Variants in PGAM5 observed in about 807,000 individuals in gnomAD.
PGAM5 encodes PGAM family member 5, mitochondrial serine/threonine protein phosphatase, also known as serine/threonine-protein phosphatase PGAM5, mitochondrial.
In PGAM5, 25 loss-of-function variants were observed where a neutral mutation model predicts 30.6. That is an observed-to-expected ratio of 0.82 (90% CI 0.60 to 1.14). PGAM5 has a LOEUF of 1.14. PGAM5 is among the 50% of genes most tolerant of loss of function. The probability of loss-of-function intolerance (pLI) is 0.00; values close to 1 mark genes in which losing one functional copy is unlikely to be tolerated. For synonymous variants in PGAM5, 201 were observed against 179.1 expected (o/e 1.12, Z -0.98); for missense variants, 384 against 408.5 (o/e 0.94, Z 0.52).
At position 132,710,891 on chromosome 12, in the gene PGAM5, G is replaced by A; in HGVS notation, c.15G>A (p.Gln5=). The A allele has an allele frequency of 8.8e-7, 1 of 1,139,530 alleles. No individual in the cohort carries two copies. The highest frequency in any genetic ancestry group is 1.1e-6 in the Non-Finnish European group (1 of 930,300). 70.6% of individuals were successfully genotyped at this position (1,139,530 alleles called of 1,614,324 possible). Residue 5 remains glutamine (Q), a synonymous_variant, in exon 1 of 6, where the codon CAG becomes CAA. Transcript: ENST00000498926. ...GAGCAAGCGGCATGGCGTTCCGGCAGGCGCTGCAGCTGGCGGCCTGCGGGC... is the reference window on the plus strand; with the variant it reads ...GAGCAAGCGGCATGGCGTTCCGGCAAGCGCTGCAGCTGGCGGCCTGCGGGC... The part of the protein sequence containing the change: MAFR[Q]ALQLAACGLA...
Position 132,714,850 on chromosome 12 carries a change from A to G in PGAM5, c.192-8A>G. ...GTCTCAAGGACATATCTTGTATTTC[A>G]ACATCAGGCGAGAACCACTGTCTCT... On this transcript the variant is annotated splice_polypyrimidine_tract_variant and splice_region_variant and intron_variant, in intron 1 of 5. Coordinates refer to ENST00000498926, the MANE Select transcript of PGAM5 (RefSeq NM_001170543.2). The G allele has an allele frequency of 6.2e-7, 1 of 1,613,064 alleles. No homozygotes were observed. The highest frequency in any genetic ancestry group is 8.5e-7 in the Non-Finnish European group (1 of 1,179,578).
rs11147018 is a variant in PGAM5 at position 132,721,631 on chromosome 12, C to G, written c.*803C>G. ...GAAACGGAGTTTCACTCTTGTTGCC[C>G]AGGCTGGAGTGCAGTGGTGCGATCT... On this transcript the variant is annotated 3_prime_UTR_variant, in exon 6 of 6. Transcript: ENST00000498926. The G allele has an allele frequency of 0.36, 55,073 of 151,782 alleles. 11,810 individuals are homozygous for G. The highest frequency in any genetic ancestry group is 0.48 in the Non-Finnish European group (32,781 of 67,814). The allele number at this position is 151,782 out of a possible 1,614,324, so 9.4% of individuals were successfully genotyped here.
intron 1 of PGAM5, among the ~76,000 whole-genome samples, chr12:132,712,509 T>A (rs2043533185): frequency 6.6e-6 from 1 of 152,192 alleles, no homozygotes; most frequent in Non-Finnish European, 1.5e-5. Flanking sequence ...CAGGCTGGAG[T>A]GCAATGGTGC....
chr12:132,719,131 G>A, intron 5 of PGAM5: 1 of 1,330,688 alleles, frequency 7.5e-7, no homozygotes, highest in Non-Finnish European at 9.6e-7. Context: ...AGTCAGAAGG[G>A]TTGGCCAAAT....
At chr12:132,718,777 G>T (rs368479081) in intron 5 of PGAM5, 3 of 1,613,570 alleles carry the variant, frequency 1.9e-6, no homozygotes, top group Non-Finnish European at 1.7e-6. Flanking sequence ...CGCCGCTGTT[G>T]TCCGCTGGGG....
At chr12:132,715,636 T>C (rs933349578) in intron 2 of PGAM5, among the ~76,000 whole-genome samples, 1 of 150,118 alleles carries the variant, frequency 6.7e-6, no homozygotes, top group African/African-American at 2.5e-5. Context: ...CCCAACACTT[T>C]GGGAGGCCGA....
chr12:132,718,064 G>A lies in PGAM5; in HGVS notation c.663G>A (p.Glu221=), dbSNP rs200067319. The A allele has an allele frequency of 7.4e-6, 12 of 1,612,860 alleles. No individual in the cohort carries two copies. The highest frequency in any genetic ancestry group is 1.0e-5 in the Non-Finnish European group (12 of 1,179,974). The part of the protein sequence containing the change: ...YIHRADARQE[E]DSYEIFICHA... ...ACCGCGCAGATGCCAGGCAGGAGGA[G>A]GACAGTTACGAGATCTTCATCTGTC... The change falls in exon 5 of 6, where the codon GAG becomes GAA. Residue 221 remains glutamate (E), a synonymous_variant. Transcript: ENST00000498926.
intron 1 of PGAM5, chr12:132,711,549 G>A (rs1472610922): frequency 1.3e-5 from 2 of 152,272 alleles, no homozygotes; most frequent in Non-Finnish European, 2.9e-5. Flanking sequence ...GCGTTTGGGA[G>A]GCTGAGGCCG....
At chr12:132,718,228 C>T in intron 5 of PGAM5, 108 bp downstream of exon 5, 1 of 1,410,250 alleles carries the variant, frequency 7.1e-7, no homozygotes, top group Non-Finnish European at 9.6e-7. Flanking sequence ...CCACCCTAGT[C>T]AGGCCTCACC....
In PGAM5 at chr12:132,710,922, G is replaced by A. The variant is rs1214240897; in HGVS notation, c.46G>A (p.Gly16Arg). ...GCAGCTGGCGGCCTGCGGGCTGGCC[G>A]GGGGCTCGGCCGCCGTGCTCTTCTC... ...ALQLAACGLA[G>R]GSAAVLFSAV... is the part of the protein sequence containing the mutation. The change falls in exon 1 of 6, where the codon GGG (glycine) becomes AGG (arginine). Residue 16 changes from glycine (G) to arginine (R), a missense_variant. By Grantham distance (125) the Gly-to-Arg change is moderately radical (BLOSUM62 -2). Transcript: ENST00000498926. The A allele has an allele frequency of 8.6e-7, 1 of 1,156,560 alleles. No individual in the cohort carries two copies. The highest frequency in any genetic ancestry group is 1.1e-6 in the Non-Finnish European group (1 of 940,916). The allele number at this position is 1,156,560 out of a possible 1,614,324, so 71.6% of individuals were successfully genotyped here. A position where few individuals can be genotyped will look rare whatever the true frequency, so the allele number is the denominator to read the frequency against.
Position 132,715,025 on chromosome 12 carries a change from T to A in PGAM5, c.359T>A (p.Leu120Gln). 1 of 1,611,036 alleles carries A rather than the reference T, an allele frequency of 6.2e-7. No individual in the cohort carries two copies. Among genetic ancestry groups the A allele is most frequent in the East Asian group, 2.2e-5 (1 of 44,784 alleles). The change falls in exon 2 of 6, where the codon CTG becomes CAG. Residue 120 changes from leucine (L) to glutamine (Q), a missense_variant. By Grantham distance (113) the Leu-to-Gln change is moderately radical. Coordinates refer to ENST00000498926, the MANE Select transcript of PGAM5 (RefSeq NM_001170543.2). ...GGCTCCCTGGAGAAGGACCGCACTC[T>A]GACCCCGCTGGGTATGTGGTGGGTT... ...VDGSLEKDRT[L>Q]TPLGREQAEL...
In PGAM5 at chr12:132,710,864, G is replaced by A; in HGVS notation, c.-13G>A. The A allele has an allele frequency of 8.9e-7, 1 of 1,123,516 alleles. No individual in the cohort carries two copies. The highest frequency in any genetic ancestry group is 4.9e-5 in the East Asian group (1 of 20,242). 69.6% of individuals were successfully genotyped at this position (1,123,516 alleles called of 1,614,324 possible). ...CGTGGGCGCCTGCGCGGGCCGGCGCGGGAGCAAGCGGCATGGCGTTCCGGC... is the reference window on the plus strand; with the variant it reads ...CGTGGGCGCCTGCGCGGGCCGGCGCAGGAGCAAGCGGCATGGCGTTCCGGC... On this transcript the variant is annotated 5_prime_UTR_variant, in exon 1 of 6. Transcript: ENST00000498926.
At chr12:132,719,229 T>C in intron 5 of PGAM5, 1 of 1,138,246 alleles carries the variant, frequency 8.8e-7, no homozygotes. Flanking sequence ...GAGGGGGCCC[T>C]CTTGAGTGTG....
rs1417464791 is a variant in PGAM5, at chr12:132,720,763, C to T, written c.805C>T (p.Arg269Ter). 2.0e-6 allele frequency: 3 copies of T among 1,536,270 alleles called. No homozygotes were observed. Among genetic ancestry groups the T allele is most frequent in the East Asian group, 2.4e-5 (1 of 40,924 alleles). Reference protein sequence around the residue: ...ITHLVIRPNGRVALRTLGDTG... With the variant: ...ITHLVIRPNG ...CCACCTGGTGATCCGACCCAACGGC[C>T]GAGTTGCGCTCAGGACCCTCGGGGA... The change falls in exon 6 of 6, where the codon CGA becomes TGA. Residue 269 changes from arginine to a stop codon, truncating the protein, a stop_gained. Coordinates refer to ENST00000498926, the MANE Select transcript of PGAM5 (RefSeq NM_001170543.2). LOFTEE classifies it high-confidence loss of function.
At chr12:132,718,958 T>G in intron 5 of PGAM5, 1 of 1,505,324 alleles carries the variant, frequency 6.6e-7, no homozygotes, top group South Asian at 1.3e-5. Context: ...CTCAACCTGC[T>G]CTGGTGCCCC....
intron 1 of PGAM5, among the ~76,000 whole-genome samples, chr12:132,714,151 G>A (rs2043549950): frequency 6.6e-6 from 1 of 152,158 alleles, no homozygotes. Flanking sequence ...CCAAGTAGCT[G>A]GGATCACAGG....
In PGAM5 at chr12:132,720,752, G is replaced by A. The variant is rs974833110; in HGVS notation, c.794G>A (p.Arg265Gln). 1.1e-5 allele frequency: 17 copies of A among 1,536,116 alleles called. No homozygotes were observed. Among genetic ancestry groups the A allele is most frequent in the Middle Eastern group, 1.7e-4 (1 of 6,010 alleles). ...NNGSITHLVI[R>Q]PNGRVALRTL... Reference sequence around the variant, plus strand: ...GGCAGCATCACCCACCTGGTGATCCGACCCAACGGCCGAGTTGCGCTCAGG... The same window carrying A: ...GGCAGCATCACCCACCTGGTGATCCAACCCAACGGCCGAGTTGCGCTCAGG... The change falls in exon 6 of 6, where the codon CGA becomes CAA. Residue 265 changes from arginine (R) to glutamine (Q), a missense_variant. Coordinates refer to ENST00000498926, the MANE Select transcript of PGAM5 (RefSeq NM_001170543.2).
chr12:132,712,342 G>A (rs1260845086), intron 1 of PGAM5, among the ~76,000 whole-genome samples: 3 of 152,230 alleles, frequency 2.0e-5, no homozygotes, highest in South Asian at 2.1e-4. Context: ...TTGTTTTGAT[G>A]ATCATGAGTG....
In PGAM5 at chr12:132,712,052, C is replaced by A. The variant is rs139420666; in HGVS notation, c.191+985C>A. 5.7e-3 allele frequency among the ~76,000 whole-genome samples: 874 copies of A among 152,180 alleles called. 3 individuals carry two copies. Among genetic ancestry groups the A allele is most frequent in the Admixed American group, 9.0e-3 (137 of 15,276 alleles). On this transcript the variant is annotated intron_variant, in intron 1 of 5. Transcript: ENST00000498926. ...GCACAGAATTATACTACTGTGGTTG[C>A]GTTAGGTACTTTATATTAGATTTTT...
Sources: allele counts gnomAD v4.1 joint callset (sites outside exome capture counted in the v4.1 genomes callset), GRCh38; gene constraint gnomAD v4.1.1; transcripts MANE v1.5; gene names NCBI Gene and HGNC (gene_info 2026-07-23, HGNC 2026-07-21).